The following WDR27 variants were observed in gnomAD, a reference collection of about 807,000 sequenced individuals.
WDR27 encodes WD repeat domain 27.
A neutral mutation model predicts 114.4 loss-of-function variants in WDR27; 100 were observed. The observed-to-expected ratio is 0.87, with a 90% CI of 0.74 to 1.03. The LOEUF is 1.03. Ranked by LOEUF, WDR27 falls within the 50% of genes least tolerant of loss-of-function variation. WDR27 has a pLI of 0.00. For synonymous variants in WDR27, 449 were observed against 423.1 expected (o/e 1.06, Z -0.75); for missense variants, 1,129 against 1,092.9 (o/e 1.03, Z -0.47).
downstream of WDR27, among the ~76,000 whole-genome samples, chr6:169,454,815 G>A (rs562210549): frequency 6.6e-6 from 1 of 152,336 alleles, no homozygotes; most frequent in African/African-American, 2.4e-5. Flanking sequence ...GACAGAGCCG[G>A]GGCTCATCCT....
At chr6:169,686,399 G>A (rs1406019940) in intron 2 of WDR27, among the ~76,000 whole-genome samples, 1 of 152,036 alleles carries the variant, frequency 6.6e-6, no homozygotes, top group Non-Finnish European at 1.5e-5. Context: ...AAAATGACAG[G>A]AATGAGTACT....
At chr6:169,601,564 T>C (rs969800205) in intron 23 of WDR27, among the ~76,000 whole-genome samples, 5 of 152,122 alleles carry the variant, frequency 3.3e-5, no homozygotes, top group African/African-American at 9.7e-5. Flanking sequence ...GATGAGAAAA[T>C]AATAATCAAA....
At chr6:169,482,017 C>T (rs554506308) in intron 25 of WDR27, among the ~76,000 whole-genome samples, 1 of 152,340 alleles carries the variant, frequency 6.6e-6, no homozygotes, top group South Asian at 2.1e-4. Flanking sequence ...GAGTTCTCAT[C>T]ATTTAGCTCC....
At chr6:169,463,580 T>C (rs1041550766) in intron 25 of WDR27, among the ~76,000 whole-genome samples, 1 of 152,168 alleles carries the variant, frequency 6.6e-6, no homozygotes, top group Admixed American at 6.5e-5. Flanking sequence ...AGTACCCAAA[T>C]TGAAAAGGAA....
chr6:169,663,850 C>G (rs890613244), intron 8 of WDR27: 2 of 359,208 alleles, frequency 5.6e-6, no homozygotes, highest in Non-Finnish European at 1.0e-5. Context: ...CCTTTCTGAT[C>G]AGCATGACCT....
intron 23 of WDR27, among the ~76,000 whole-genome samples, chr6:169,601,805 C>T (rs1306111124): frequency 3.3e-5 from 5 of 152,218 alleles, no homozygotes; most frequent in African/African-American, 1.2e-4. Flanking sequence ...GTGGAGGGGG[C>T]AGTTCCATTA....
At position 169,643,769 on chromosome 6, in the gene WDR27, C is replaced by CCAGCCACT; in HGVS notation, c.1667_1674dup (p.Ala559SerfsTer19). 1 of 1,613,240 alleles carries CCAGCCACT rather than the reference C, an allele frequency of 6.2e-7. No individual in the cohort carries two copies. Among genetic ancestry groups the CCAGCCACT allele is most frequent in the Non-Finnish European group, 8.5e-7 (1 of 1,179,510 alleles). On this transcript the variant is annotated frameshift_variant, in exon 17 of 26. Transcript: ENST00000448612. LOFTEE classifies it high-confidence loss of function. ...AACAGATGGTTGGCCAACCCACAGG[C>CCAGCCACT]CAGCCACTGCCCATCTCCTGTTAAA...
chr6:169,583,450 A>C (rs1385274101), intron 23 of WDR27, among the ~76,000 whole-genome samples: 1 of 147,742 alleles, frequency 6.8e-6, no homozygotes, highest in Non-Finnish European at 1.5e-5. Flanking sequence ...TTGATAAATA[A>C]GTTCCTCTTT....
At chr6:169,582,200 C>G (rs1419992314) in intron 24 of WDR27, among the ~76,000 whole-genome samples, 1 of 152,180 alleles carries the variant, frequency 6.6e-6, no homozygotes, top group Non-Finnish European at 1.5e-5. Context: ...GTCTTGGACT[C>G]CTGACCTCAG....
At position 169,603,371 on chromosome 6, in the gene WDR27, T is replaced by C. The variant is rs1450922555; in HGVS notation, c.2322-1050A>G. Among the ~76,000 whole-genome samples the C allele has an allele frequency of 2.0e-5, 3 of 151,680 alleles. No homozygotes were observed. The East Asian group carries it at 5.8e-4, about 29-fold the overall frequency. On this transcript the variant is annotated intron_variant, in intron 22 of 25. Transcript: ENST00000448612. ...TTTGTCATAAATTTAATTCCTTTTT[T>C]CTTTTACATTGATTTTTAAATTTTT...
chr6:169,499,252 C>A (rs1448347918), intron 25 of WDR27, among the ~76,000 whole-genome samples: 1 of 152,228 alleles, frequency 6.6e-6, no homozygotes, highest in African/African-American at 2.4e-5. Flanking sequence ...AGCGTCAGCA[C>A]CGAGGGTGCA....
chr6:169,493,077 C>G (rs1789973017), intron 25 of WDR27, among the ~76,000 whole-genome samples: 1 of 151,792 alleles, frequency 6.6e-6, no homozygotes, highest in Non-Finnish European at 1.5e-5. Context: ...CTAACTTTTC[C>G]AGTTAAAAGA....
At chr6:169,673,185 G>A (rs1268499236) in intron 2 of WDR27, among the ~76,000 whole-genome samples, 1 of 152,140 alleles carries the variant, frequency 6.6e-6, no homozygotes, top group East Asian at 1.9e-4. Context: ...TAAAAACCTA[G>A]GCGAACAATG....
intron 25 of WDR27, among the ~76,000 whole-genome samples, chr6:169,526,813 AT>A (rs1331211342): frequency 6.6e-6 from 1 of 152,230 alleles, no homozygotes; most frequent in Non-Finnish European, 1.5e-5. Flanking sequence ...TCAAAAATAA[AT>A]GTCAAATAAC....
At chr6:169,587,866 G>A (rs931874974) in intron 23 of WDR27, among the ~76,000 whole-genome samples, 3 of 152,146 alleles carry the variant, frequency 2.0e-5, no homozygotes, top group Non-Finnish European at 4.4e-5. Flanking sequence ...TTCTTACACT[G>A]GATTCATTTA....
chr6:169,629,358 GTT>G (rs1815716172), intron 21 of WDR27, among the ~76,000 whole-genome samples: 1 of 152,098 alleles, frequency 6.6e-6, no homozygotes, highest in African/African-American at 2.4e-5. Context: ...AACAGGCCAA[GTT>G]TTAATCTAGA....
At chr6:169,658,592 T>C (rs1463522929) in intron 12 of WDR27, among the ~76,000 whole-genome samples, 4 of 152,090 alleles carry the variant, frequency 2.6e-5, no homozygotes, top group Non-Finnish European at 4.4e-5. Flanking sequence ...GTGTTTCAAT[T>C]AAAATAAACT....
At chr6:169,499,949 G>A (rs1383565164) in intron 25 of WDR27, among the ~76,000 whole-genome samples, 1 of 152,190 alleles carries the variant, frequency 6.6e-6, no homozygotes, top group Non-Finnish European at 1.5e-5. Context: ...CTGTCCGGGG[G>A]ACCTGAGGGC....
At chr6:169,495,389 C>A (rs1790270117) in intron 25 of WDR27, among the ~76,000 whole-genome samples, 1 of 150,926 alleles carries the variant, frequency 6.6e-6, no homozygotes, top group Non-Finnish European at 1.5e-5. Flanking sequence ...ACTTAAGGAA[C>A]TAAAAAACTA....
Sources: gnomAD v4.1 joint callset for allele counts (sites outside exome capture counted in the v4.1 genomes callset) on GRCh38, gnomAD v4.1.1 for gene constraint, MANE v1.5 for transcripts, NCBI Gene and HGNC (gene_info 2026-07-23, HGNC 2026-07-21) for gene names.